TRAK2: variants seen among roughly 807,000 people sequenced by gnomAD.
TRAK2 encodes the protein trafficking kinesin protein 2.
Under a neutral mutation model 104.6 loss-of-function variants are expected in TRAK2, and 81 were observed. The ratio of observed to expected loss-of-function variants is 0.77; its 90% CI spans 0.65 to 0.93. TRAK2 has a LOEUF of 0.93. TRAK2 is among the 40% of genes least tolerant of loss of function. The pLI, the probability that TRAK2 is intolerant of heterozygous loss-of-function variation, is 0.00. For missense variants in TRAK2, 1,002 were observed against 1,089.0 expected (o/e 0.92, Z 1.12); for synonymous variants, 406 against 394.4 (o/e 1.03, Z -0.35).
chr2:201,387,943 G>A lies in TRAK2; in HGVS notation c.1456C>T (p.Leu486=). ...PSGDSDLATA[L]HRLSLRRQNY... ...TGTCGACGCAAGCTAAGGCGATGCA[G>A]TGCTGTAGCCAAATCACTATCTCCT... is the stretch of plus-strand genomic sequence containing the variant. Residue 486 remains leucine, a synonymous_variant, in exon 13 of 16, where the codon CTG becomes TTG. Coordinates refer to ENST00000332624, the MANE Select transcript of TRAK2 (RefSeq NM_015049.3). 1 of 1,614,154 alleles carries A rather than the reference G, an allele frequency of 6.2e-7. No homozygotes were observed. Among genetic ancestry groups the A allele is most frequent in the East Asian group, 2.2e-5 (1 of 44,882 alleles).
At chr2:201,429,825 G>C (rs1951825741) in intron 1 of TRAK2, among the ~76,000 whole-genome samples, 1 of 152,138 alleles carries the variant, frequency 6.6e-6, no homozygotes, top group Admixed American at 6.5e-5. Flanking sequence ...CTTTAGCTTG[G>C]AGAAGTTTGT....
At chr2:201,420,918 T>C (rs1357121313) in intron 1 of TRAK2, among the ~76,000 whole-genome samples, 1 of 152,230 alleles carries the variant, frequency 6.6e-6, no homozygotes, top group Non-Finnish European at 1.5e-5. Flanking sequence ...TGTCCACTTA[T>C]CTATAGTGAC....
intron 14 of TRAK2, among the ~76,000 whole-genome samples, chr2:201,384,437 T>A (rs1370249577): frequency 6.6e-6 from 1 of 151,918 alleles, no homozygotes; most frequent in Non-Finnish European, 1.5e-5. Context: ...GCAAAAGGCA[T>A]AAACAAAGAT....
intron 4 of TRAK2, 100 bp from the exon 5 acceptor site, chr2:201,399,593 C>T (rs6732993): frequency 0.62 from 466,725 of 753,352 alleles, 148,551 homozygotes; most frequent in Non-Finnish European, 0.67. Flanking sequence ...AAAGCAACGT[C>T]CTAGAAAGCA....
At chr2:201,440,282 A>G (rs1188780180) in intron 1 of TRAK2, among the ~76,000 whole-genome samples, 1 of 151,932 alleles carries the variant, frequency 6.6e-6, no homozygotes, top group Non-Finnish European at 1.5e-5. Context: ...GCTATCAACT[A>G]CTACACTTTA....
intron 8 of TRAK2, 125 bp from the exon 9 acceptor site, chr2:201,394,997 C>G (rs1471675979): frequency 2.4e-6 from 2 of 829,844 alleles, no homozygotes; most frequent in Non-Finnish European, 3.7e-6. Flanking sequence ...AAAAGCTAAC[C>G]TTTCAAAAGC....
At chr2:201,399,553 G>C (rs1263370620) in intron 4 of TRAK2, 60 bp from the exon 5 acceptor site, 44 of 1,296,468 alleles carry the variant, frequency 3.4e-5, no homozygotes, top group Middle Eastern at 3.8e-4. Context: ...TGGCAGTTCA[G>C]AAATTTTGTG....
intron 1 of TRAK2, among the ~76,000 whole-genome samples, chr2:201,443,301 T>C (rs576407950): frequency 1.3e-5 from 2 of 152,344 alleles, no homozygotes; most frequent in East Asian, 1.9e-4. Context: ...TTAATTGTTA[T>C]CTGATGTCAT....
chr2:201,422,913 A>T (rs1951754531), intron 1 of TRAK2, among the ~76,000 whole-genome samples: 1 of 152,168 alleles, frequency 6.6e-6, no homozygotes, highest in East Asian at 1.9e-4. Context: ...ATTTCTTACC[A>T]ATTTCTATTA....
chr2:201,394,173 C>T (rs1226296173), intron 9 of TRAK2, among the ~76,000 whole-genome samples: 1 of 152,102 alleles, frequency 6.6e-6, no homozygotes, highest in Non-Finnish European at 1.5e-5. Context: ...AGATTTACTA[C>T]TAGAACTTAT....
chr2:201,378,410 C>T lies in TRAK2; in HGVS notation c.*2133G>A, dbSNP rs1046563741. 2.6e-5 allele frequency: 4 copies of T among 152,170 alleles called. No individual in the cohort carries two copies. The highest frequency in any genetic ancestry group is 9.7e-5 in the African/African-American group (4 of 41,432). The allele number at this position is 152,170 out of a possible 1,614,324, so 9.4% of individuals were successfully genotyped here. A position where few individuals can be genotyped will look rare whatever the true frequency, so the allele number is the denominator to read the frequency against. The stretch of plus-strand genomic sequence containing the variant: ...TCGGACAATTTAACGTTGTACTACT[C>T]TCTGGCCCTACAGTTTCCTACTTCC... On this transcript the variant is annotated 3_prime_UTR_variant, in exon 16 of 16. Coordinates refer to ENST00000332624, the MANE Select transcript of TRAK2 (RefSeq NM_015049.3).
At chr2:201,425,811 C>T (rs2125656697) in intron 1 of TRAK2, among the ~76,000 whole-genome samples, 1 of 151,978 alleles carries the variant, frequency 6.6e-6, no homozygotes, top group African/African-American at 2.4e-5. Flanking sequence ...AGGATAAAAG[C>T]AAAGTATCTC....
chr2:201,400,398 TCTCCACA>T (rs1381442258), intron 4 of TRAK2, among the ~76,000 whole-genome samples: 2 of 152,078 alleles, frequency 1.3e-5, no homozygotes, highest in Admixed American at 1.3e-4. Context: ...GGAGGGATTA[TCTCCACA>T]TTTTTAAGGC....
intron 12 of TRAK2, 76 bp from the exon 13 acceptor site, chr2:201,388,077 T>G: frequency 6.9e-7 from 1 of 1,450,174 alleles, no homozygotes; most frequent in East Asian, 2.3e-5. Flanking sequence ...TCTATAATGG[T>G]AAGCATTCAA....
rs777728238 is a variant in TRAK2 at position 201,384,101 on chromosome 2, G to C, written c.2069+10C>G. On this transcript the variant is annotated intron_variant, in intron 15 of 15. Coordinates refer to ENST00000332624, the MANE Select transcript of TRAK2 (RefSeq NM_015049.3). ...AGAAGTGAGGCCCCAGATTTCCCAG[G>C]CACTCTTACCTGGGGGTAACCTGAG... 3 of 1,571,688 alleles carry C rather than the reference G, an allele frequency of 1.9e-6. No homozygotes were observed. Among genetic ancestry groups the C allele is most frequent in the Non-Finnish European group, 8.7e-7 (1 of 1,150,960 alleles).
intron 2 of TRAK2, 35 bp from the exon 3 acceptor site, chr2:201,407,632 T>G: frequency 6.5e-7 from 1 of 1,541,446 alleles, no homozygotes. Flanking sequence ...GAATCCAATA[T>G]ATTTCAACTT....
chr2:201,441,887 T>G (rs1951927605), intron 1 of TRAK2, among the ~76,000 whole-genome samples: 1 of 151,474 alleles, frequency 6.6e-6, no homozygotes, highest in Non-Finnish European at 1.5e-5. Context: ...AGATGGGGTT[T>G]CACCACATGT....
intron 2 of TRAK2, among the ~76,000 whole-genome samples, chr2:201,415,870 C>A (rs1951687882): frequency 6.6e-6 from 1 of 151,904 alleles, no homozygotes; most frequent in Admixed American, 6.6e-5. Context: ...CAACTCCATG[C>A]AGTATAAATA....
chr2:201,402,289 A>G (rs1483920631), intron 3 of TRAK2, among the ~76,000 whole-genome samples: 1 of 152,080 alleles, frequency 6.6e-6, no homozygotes, highest in Non-Finnish European at 1.5e-5. Context: ...CCCACGACTG[A>G]GTATGAAGGG....
Sources: gnomAD v4.1 joint callset for allele counts (sites outside exome capture counted in the v4.1 genomes callset) on GRCh38, gnomAD v4.1.1 for gene constraint, MANE v1.5 for transcripts, NCBI Gene and HGNC (gene_info 2026-07-23, HGNC 2026-07-21) for gene names.